Variants in ZNF121 observed in about 807,000 individuals in gnomAD.
The protein encoded by ZNF121 is zinc finger protein 121 (clone ZHC32).
ZNF121 carries 1 observed loss-of-function variant against 2.4 expected under a neutral mutation model. That is an observed-to-expected ratio of 0.41 (90% CI 0.15 to 1.94). ZNF121 has a LOEUF of 1.94. Among genes scored for constraint, ZNF121 ranks in the 30% most tolerant of loss-of-function variants. The pLI, the probability that ZNF121 is intolerant of heterozygous loss-of-function variation, is 0.30. For synonymous variants in ZNF121, 173 were observed against 158.6 expected, an observed-to-expected ratio of 1.09 and a Z score of -0.68; for missense variants, 369 against 466.3, an observed-to-expected ratio of 0.79 and a Z score of 1.92.
intron 1 of ZNF121, among the ~76,000 whole-genome samples, 183 bp from the exon 2 acceptor site, chr19:9,569,265 T>C (rs939084564): frequency 1.3e-5 from 2 of 152,112 alleles, no homozygotes; most frequent in Non-Finnish European, 2.9e-5. Context: ...ATACCCACTA[T>C]TCAGACTTAA....
chr19:9,566,846 T>G lies in ZNF121; in HGVS notation c.267A>C (p.Glu89Asp), dbSNP rs772716113. Reference sequence around the variant, plus strand: ...CAAAGGCTTCCTCACAGTCACTGTATTCAAAGGATTTGTCTCCTATCCACG... The same window carrying G: ...CAAAGGCTTCCTCACAGTCACTGTAGTCAAAGGATTTGTCTCCTATCCACG... ...QRTWIGDKSF[E>D]YSDCEEAFVD... Residue 89 changes from glutamate to aspartate, a missense_variant, in exon 4 of 4, where the codon GAA becomes GAC. Around this residue, in one of 4 missense-constraint regions of ZNF121, gnomAD observed 168 missense variants for 162.3 expected, o/e 1.03. Coordinates refer to ENST00000320451, the MANE Select transcript of ZNF121 (RefSeq NM_001008727.5). 1 of 1,614,234 alleles carries G rather than the reference T, an allele frequency of 6.2e-7. No homozygotes were observed. Among genetic ancestry groups the G allele is most frequent in the South Asian group, 1.1e-5 (1 of 91,088 alleles).
rs1431789268 is a variant in ZNF121 at position 9,565,888 on chromosome 19, G to C, written c.*52C>G. 1.5e-6 allele frequency: 2 copies of C among 1,352,102 alleles called. No homozygotes were observed. The highest frequency in any genetic ancestry group is 2.0e-6 in the Non-Finnish European group (2 of 1,003,164). 83.8% of individuals were successfully genotyped at this position (1,352,102 alleles called of 1,614,324 possible). A position where few individuals can be genotyped will look rare whatever the true frequency, so the allele number is the denominator to read the frequency against. On this transcript the variant is annotated 3_prime_UTR_variant, in exon 4 of 4. Transcript: ENST00000320451. Reference sequence around the variant, plus strand: ...TGTGAATTCAAATGTGGTAATTATGGTATGAGAAATTCCTAAAAGATTTCC... The same window carrying C: ...TGTGAATTCAAATGTGGTAATTATGCTATGAGAAATTCCTAAAAGATTTCC...
chr19:9,563,165 G>A lies in ZNF121; in HGVS notation c.*2775C>T, dbSNP rs1300981412. The A allele has an allele frequency of 1.3e-5, 2 of 151,688 alleles. No homozygotes were observed. The highest frequency in any genetic ancestry group is 2.9e-5 in the Non-Finnish European group (2 of 68,016). 9.4% of individuals were successfully genotyped at this position (151,688 alleles called of 1,614,324 possible). On this transcript the variant is annotated 3_prime_UTR_variant, in exon 4 of 4. Transcript: ENST00000320451. ...AGGAAACTAAAAGTGCTACTCCAGT[G>A]AACACACACATAATAAGAAAGGAAA...
At chr19:9,580,990 G>A (rs753054865) in intron 1 of ZNF121, among the ~76,000 whole-genome samples, 1 of 152,168 alleles carries the variant, frequency 6.6e-6, no homozygotes, top group Non-Finnish European at 1.5e-5. Context: ...AGTACATACT[G>A]TCAGCCCTTA....
chr19:9,577,281 T>TA (rs895457784), intron 1 of ZNF121, among the ~76,000 whole-genome samples: 23 of 149,980 alleles, frequency 1.5e-4, no homozygotes, highest in African/African-American at 2.7e-4. Flanking sequence ...CTGTCTCTAC[T>TA]AAAAAAAAAC....
intron 1 of ZNF121, among the ~76,000 whole-genome samples, chr19:9,580,036 T>C (rs2074237957): frequency 1.3e-5 from 2 of 152,108 alleles, no homozygotes; most frequent in African/African-American, 4.8e-5. Flanking sequence ...CTCACACCTG[T>C]TATCCCAGCA....
chr19:9,572,566 G>C (rs934090129), intron 1 of ZNF121, among the ~76,000 whole-genome samples: 19 of 152,264 alleles, frequency 1.2e-4, no homozygotes, highest in Non-Finnish European at 4.4e-5. Flanking sequence ...GGCTGTTCAG[G>C]AGCACCATAC....
At chr19:9,569,838 C>CTTT (rs752091749) in intron 1 of ZNF121, among the ~76,000 whole-genome samples, 9 of 117,662 alleles carry the variant, frequency 7.6e-5, no homozygotes, top group East Asian at 2.7e-4. Context: ...TGGCCGAGAT[C>CTTT]TTTTTTTTTT....
Position 9,564,123 on chromosome 19 carries a change from T to G in ZNF121, c.*1817A>C, listed in dbSNP as rs552313124. 1 of 152,218 alleles carries G rather than the reference T, an allele frequency of 6.6e-6. No homozygotes were observed. The highest frequency in any genetic ancestry group is 2.4e-5 in the African/African-American group (1 of 41,466). 9.4% of individuals were successfully genotyped at this position (152,218 alleles called of 1,614,324 possible). On this transcript the variant is annotated 3_prime_UTR_variant, in exon 4 of 4. Coordinates refer to ENST00000320451, the MANE Select transcript of ZNF121 (RefSeq NM_001008727.5). ...TAATGCTTCTTCTGAGGGATCTGGA[T>G]AAATTAAGTTGCAGACCTTGCAGAA...
At chr19:9,570,214 A>C (rs946771335) in intron 1 of ZNF121, among the ~76,000 whole-genome samples, 1 of 152,094 alleles carries the variant, frequency 6.6e-6, no homozygotes, top group Non-Finnish European at 1.5e-5. Flanking sequence ...CAAAAACAAA[A>C]GAATCAGAGA....
chr19:9,580,198 A>T (rs1027265969), intron 1 of ZNF121, among the ~76,000 whole-genome samples: 17 of 152,080 alleles, frequency 1.1e-4, no homozygotes, highest in Non-Finnish European at 2.4e-4. Flanking sequence ...AGGCTGAGGC[A>T]GGAGAATGGC....
At position 9,567,003 on chromosome 19, in the gene ZNF121, TC is replaced by T. The variant is rs2074138541; in HGVS notation, c.109del (p.Asp37ThrfsTer28). 1 of 1,614,162 alleles carries T rather than the reference TC, an allele frequency of 6.2e-7. No individual in the cohort carries two copies. The highest frequency in any genetic ancestry group is 8.5e-7 in the Non-Finnish European group (1 of 1,180,028). Reference sequence around the variant, plus strand: ...TCCATACTCATCACAGTCATAAGTGTCCCCTGTATTTTCAGTTCCCATGTGT... The same window carrying T: ...TCCATACTCATCACAGTCATAAGTGTCCCTGTATTTTCAGTTCCCATGTGT... ...NAHMGTENTG[D>X]TYDCDEYGEN... On this transcript the variant is annotated frameshift_variant, in exon 4 of 4. Coordinates refer to ENST00000320451, the MANE Select transcript of ZNF121 (RefSeq NM_001008727.5). LOFTEE classifies it low-confidence loss of function (END_TRUNC).
At chr19:9,570,631 G>A (rs965399470) in intron 1 of ZNF121, among the ~76,000 whole-genome samples, 2 of 152,072 alleles carry the variant, frequency 1.3e-5, no homozygotes, top group African/African-American at 2.4e-5. Context: ...CAATGACGCA[G>A]TCTAGGCTCA....
At chr19:9,576,862 G>A (rs570646378) in intron 1 of ZNF121, among the ~76,000 whole-genome samples, 3 of 152,088 alleles carry the variant, frequency 2.0e-5, no homozygotes, top group Non-Finnish European at 4.4e-5. Flanking sequence ...AAGCCTGGAA[G>A]AAATGGACAA....
At chr19:9,570,716 G>C (rs187943331) in intron 1 of ZNF121, among the ~76,000 whole-genome samples, 297 of 150,000 alleles carry the variant, frequency 2.0e-3, no homozygotes, top group African/African-American at 6.6e-3. Flanking sequence ...ACAGGCACCT[G>C]CCACCACACT....
chr19:9,582,095 C>A (rs1206906181), intron 1 of ZNF121, among the ~76,000 whole-genome samples: 1 of 152,112 alleles, frequency 6.6e-6, no homozygotes, highest in Non-Finnish European at 1.5e-5. Context: ...TGCCTGAGCT[C>A]AGGATTTCGA....
chr19:9,566,002 T>A lies in ZNF121; in HGVS notation c.1111A>T (p.Asn371Tyr), dbSNP rs1234577888. 6.2e-7 allele frequency: 1 copy of A among 1,604,314 alleles called. No homozygotes were observed. The highest frequency in any genetic ancestry group is 1.7e-5 in the Admixed American group (1 of 57,764). Reference protein sequence around the residue: ...IHTGEKPYICNECGKAYNRFY... With the variant: ...IHTGEKPYICYECGKAYNRFY... ...CTATTGTAGGCTTTCCCACATTCGT[T>A]ACATATATAGGGTTTCTCTCCAGTG... Residue 371 changes from asparagine (N) to tyrosine (Y), a missense_variant, in exon 4 of 4, where the codon AAC becomes TAC. Coordinates refer to ENST00000320451, the MANE Select transcript of ZNF121 (RefSeq NM_001008727.5).
At chr19:9,570,755 A>G (rs2074168519) in intron 1 of ZNF121, among the ~76,000 whole-genome samples, 1 of 139,780 alleles carries the variant, frequency 7.2e-6, no homozygotes, top group African/African-American at 2.8e-5. Flanking sequence ...GGGGGGGGGT[A>G]TTTTTAGTAC....
In ZNF121 at chr19:9,566,407, C is replaced by G; in HGVS notation, c.706G>C (p.Ala236Pro). ...GTTAGTAGATAAAACCTATTGTAGG[C>G]TTTCCCACATTCGTTACATTCATAG... ...KPYECNECGKAYNRFYLLTEH... is the reference protein window; with the variant it reads ...KPYECNECGKPYNRFYLLTEH... The change falls in exon 4 of 4, where the codon GCC becomes CCC. Residue 236 changes from alanine to proline, a missense_variant. This residue lies in a region of ZNF121 where 6 missense variants were observed against 28.6 expected (regional missense o/e 0.21). Coordinates refer to ENST00000320451, the MANE Select transcript of ZNF121 (RefSeq NM_001008727.5). The G allele has an allele frequency of 6.2e-7, 1 of 1,614,064 alleles. No homozygotes were observed. Among genetic ancestry groups the G allele is most frequent in the Non-Finnish European group, 8.5e-7 (1 of 1,180,008 alleles).
Sources: allele counts gnomAD v4.1 joint callset (sites outside exome capture counted in the v4.1 genomes callset), GRCh38; gene constraint gnomAD v4.1.1; regional missense constraint gnomAD v4.1.1; transcripts MANE v1.5; gene names NCBI Gene and HGNC (gene_info 2026-07-23, HGNC 2026-07-21).